DCDC1: variants seen among roughly 807,000 people sequenced by gnomAD.
The protein encoded by DCDC1 is doublecortin domain-containing protein 1.
DCDC1 carries 200 observed loss-of-function variants against 178.3 expected under a neutral mutation model. The ratio of observed to expected loss-of-function variants is 1.12; its 90% CI spans 1.00 to 1.26. The LOEUF (loss-of-function observed/expected upper bound fraction) is 1.26, where lower values mean the gene tolerates loss of function less well. Ranked by LOEUF, DCDC1 falls within the 50% of genes most tolerant of loss-of-function variation. DCDC1 has a pLI of 0.00. For synonymous variants in DCDC1, 690 were observed against 604.8 expected (o/e 1.14, Z -2.07); for missense variants, 1,983 against 1,749.2 (o/e 1.13, Z -2.38).
At chr11:31,180,245 C>G (rs1370834426) in intron 9 of DCDC1, among the ~76,000 whole-genome samples, 1 of 152,130 alleles carries the variant, frequency 6.6e-6, no homozygotes, top group Non-Finnish European at 1.5e-5. Flanking sequence ...CTATGGCTAA[C>G]AGCAAAATAT....
chr11:31,139,750 C>G (rs1963590170), intron 9 of DCDC1, among the ~76,000 whole-genome samples: 1 of 151,672 alleles, frequency 6.6e-6, no homozygotes, highest in South Asian at 2.1e-4. Context: ...TTTGAAAGCA[C>G]CACAGTTGGA....
chr11:31,348,348 C>T (rs1272604848), intron 1 of DCDC1, among the ~76,000 whole-genome samples: 1 of 152,172 alleles, frequency 6.6e-6, no homozygotes, highest in East Asian at 1.9e-4. Context: ...GAATTACCAT[C>T]ATCTTCAAAG....
At chr11:31,296,588 A>G (rs1947699717) in intron 6 of DCDC1, among the ~76,000 whole-genome samples, 1 of 152,180 alleles carries the variant, frequency 6.6e-6, no homozygotes, top group South Asian at 2.1e-4. Context: ...ACTACCTGGT[A>G]CCAATTTACT....
At chr11:30,956,140 C>T (rs546001452) in intron 20 of DCDC1, among the ~76,000 whole-genome samples, 1 of 152,290 alleles carries the variant, frequency 6.6e-6, no homozygotes, top group Non-Finnish European at 1.5e-5. Flanking sequence ...TTTCAAATTT[C>T]CCTCTGAGCA....
chr11:30,968,297 C>T (rs1474427944), intron 20 of DCDC1, among the ~76,000 whole-genome samples: 1 of 152,076 alleles, frequency 6.6e-6, no homozygotes, highest in Non-Finnish European at 1.5e-5. Flanking sequence ...GGATTCAGAA[C>T]AGTGTCTAGC....
At chr11:31,195,427 T>G (rs1970585881) in intron 9 of DCDC1, among the ~76,000 whole-genome samples, 1 of 152,110 alleles carries the variant, frequency 6.6e-6, no homozygotes, top group South Asian at 2.1e-4. Flanking sequence ...TCATTCTATT[T>G]GATAGTAGCT....
chr11:30,994,920 G>A lies in DCDC1; in HGVS notation c.2592-42352C>T, dbSNP rs550196892. ...TTAATCATGGTCCCAGAAATCCTTG[G>A]CAATACACTAAGGGGAGGAATAAAA... On this transcript the variant is annotated intron_variant, in intron 20 of 38. Transcript: ENST00000684477. Among the ~76,000 whole-genome samples, 13 of 150,612 alleles carry A rather than the reference G, an allele frequency of 8.6e-5. No homozygotes were observed. In the Middle Eastern group the frequency reaches 0.01, roughly 121 times the overall value.
chr11:31,079,862 A>C (rs1957074966), intron 17 of DCDC1, among the ~76,000 whole-genome samples: 1 of 152,182 alleles, frequency 6.6e-6, no homozygotes, highest in Non-Finnish European at 1.5e-5. Context: ...AAAGAAGAGG[A>C]ACATGACACT....
chr11:31,176,026 G>T (rs1967966572), intron 9 of DCDC1, among the ~76,000 whole-genome samples: 1 of 152,152 alleles, frequency 6.6e-6, no homozygotes, highest in South Asian at 2.1e-4. Flanking sequence ...CCAAAAGAAT[G>T]TAATCAGTCT....
At chr11:31,142,712 T>G in intron 9 of DCDC1, among the ~76,000 whole-genome samples, 1 of 152,310 alleles carries the variant, frequency 6.6e-6, no homozygotes, top group Middle Eastern at 3.4e-3. Context: ...TATTATAATC[T>G]TATGTATTTG....
At chr11:31,254,051 T>C (rs531627547) in intron 8 of DCDC1, among the ~76,000 whole-genome samples, 1 of 152,288 alleles carries the variant, frequency 6.6e-6, no homozygotes, top group South Asian at 2.1e-4. Flanking sequence ...TACATTTCTA[T>C]AAGCCACTGA....
At chr11:31,212,290 G>T (rs1273710686) in intron 9 of DCDC1, among the ~76,000 whole-genome samples, 1 of 151,650 alleles carries the variant, frequency 6.6e-6, no homozygotes, top group Non-Finnish European at 1.5e-5. Flanking sequence ...CGAAAATTTT[G>T]TTTTTCCTGA....
At chr11:30,996,932 A>C (rs1951306642) in intron 20 of DCDC1, among the ~76,000 whole-genome samples, 1 of 152,190 alleles carries the variant, frequency 6.6e-6, no homozygotes, top group African/African-American at 2.4e-5. Context: ...TATTGAAAAC[A>C]ACTAAGATGC....
intron 7 of DCDC1, among the ~76,000 whole-genome samples, chr11:31,289,513 A>C (rs552428638): frequency 6.6e-6 from 1 of 152,202 alleles, no homozygotes; most frequent in South Asian, 2.1e-4. Flanking sequence ...TAAATGAAGA[A>C]GTAGATATTT....
chr11:30,987,996 G>A (rs1950749304), intron 20 of DCDC1, among the ~76,000 whole-genome samples: 1 of 152,162 alleles, frequency 6.6e-6, no homozygotes, highest in Non-Finnish European at 1.5e-5. Context: ...TGTGGGGTGA[G>A]GGAAGCAGTT....
At chr11:31,266,560 G>T (rs1274735076) in intron 7 of DCDC1, among the ~76,000 whole-genome samples, 1 of 152,112 alleles carries the variant, frequency 6.6e-6, no homozygotes, top group Non-Finnish European at 1.5e-5. Flanking sequence ...ATCCATTTTT[G>T]ACTATTCCCA....
At position 31,009,930 on chromosome 11, in the gene DCDC1, A is replaced by T. The variant is rs1952074597; in HGVS notation, c.2591+54539T>A. ...GAGTGACTGACAAGCAAAGGGGGGA[A>T]AGCCCCTTATAAAACCATCAGATCC... On this transcript the variant is annotated intron_variant, in intron 20 of 38. Transcript: ENST00000684477. 2.0e-5 allele frequency among the ~76,000 whole-genome samples: 3 copies of T among 152,132 alleles called. No individual in the cohort carries two copies. In the South Asian group the frequency reaches 6.2e-4, roughly 32 times the overall value.
chr11:31,257,110 G>A (rs1262175855), intron 8 of DCDC1, among the ~76,000 whole-genome samples: 2 of 152,164 alleles, frequency 1.3e-5, no homozygotes, highest in African/African-American at 4.8e-5. Flanking sequence ...CGCTTTCAAG[G>A]ATAACGGCAA....
chr11:31,070,661 GA>G (rs1311102591), intron 18 of DCDC1, among the ~76,000 whole-genome samples: 1 of 152,146 alleles, frequency 6.6e-6, no homozygotes, highest in Non-Finnish European at 1.5e-5. Context: ...GTAAGAACAT[GA>G]TCGGAATTTC....
Sources: gnomAD v4.1 joint callset for allele counts (sites outside exome capture counted in the v4.1 genomes callset) on GRCh38, gnomAD v4.1.1 for gene constraint, MANE v1.5 for transcripts, NCBI Gene and HGNC (gene_info 2026-07-23, HGNC 2026-07-21) for gene names.